TMEM161B: variants seen among roughly 807,000 people sequenced by gnomAD.
TMEM161B encodes the protein transmembrane protein 161B.
TMEM161B carries 34 observed loss-of-function variants against 61.8 expected under a neutral mutation model. The ratio of observed to expected loss-of-function variants is 0.55; its 90% CI spans 0.42 to 0.73. The LOEUF is 0.73. Ranked by LOEUF, TMEM161B falls within the 30% of genes least tolerant of loss-of-function variation. TMEM161B has a pLI of 0.00. For missense variants in TMEM161B, 456 were observed against 558.5 expected (o/e 0.82, Z 1.85); for synonymous variants, 167 against 192.8 (o/e 0.87, Z 1.11).
chr5:88,233,032 G>A (rs1751269212), intron 2 of TMEM161B, among the ~76,000 whole-genome samples: 1 of 152,166 alleles, frequency 6.6e-6, no homozygotes, highest in African/African-American at 2.4e-5. Context: ...ATCTAAGGAT[G>A]CTCGATACTT....
At chr5:88,194,080 G>C (rs1041082894), downstream of TMEM161B, among the ~76,000 whole-genome samples, 3 of 152,124 alleles carry the variant, frequency 2.0e-5, no homozygotes, top group African/African-American at 7.2e-5. Flanking sequence ...TGGACTTCCA[G>C]TGAACCCATC....
chr5:88,253,299 C>T (rs1754574240), intron 1 of TMEM161B, among the ~76,000 whole-genome samples: 1 of 152,128 alleles, frequency 6.6e-6, no homozygotes, highest in Non-Finnish European at 1.5e-5. Context: ...TTAATCACTC[C>T]TCACTGCCAC....
intron 1 of TMEM161B, chr5:88,251,072 G>T (rs929016080): frequency 4.6e-5 from 7 of 152,132 alleles, no homozygotes; most frequent in African/African-American, 1.7e-4. Context: ...AGTCTCAGAG[G>T]CTAAAGCTTT....
At chr5:88,222,231 G>T (rs1196438707) in intron 4 of TMEM161B, among the ~76,000 whole-genome samples, 1 of 152,020 alleles carries the variant, frequency 6.6e-6, no homozygotes, top group Non-Finnish European at 1.5e-5. Flanking sequence ...ACCACACTCG[G>T]GTAATTTTTT....
intron 2 of TMEM161B, among the ~76,000 whole-genome samples, chr5:88,240,441 C>T (rs1752529310): frequency 6.6e-6 from 1 of 151,260 alleles, no homozygotes; most frequent in Admixed American, 6.6e-5. Context: ...GCCCACAGAC[C>T]GAAAAAGAAA....
intron 1 of TMEM161B, among the ~76,000 whole-genome samples, chr5:88,258,917 A>G (rs901890467): frequency 1.3e-5 from 2 of 152,212 alleles, no homozygotes; most frequent in Non-Finnish European, 2.9e-5. Context: ...TACTTATCAC[A>G]AAGATAAAAG....
chr5:88,222,161 C>T lies in TMEM161B; in HGVS notation c.290-1442G>A, dbSNP rs1329642247. Among the ~76,000 whole-genome samples the T allele has an allele frequency of 5.3e-5, 8 of 152,160 alleles. No individual in the cohort carries two copies. The South Asian group carries it at 1.7e-3, about 32-fold the overall frequency. On this transcript the variant is annotated intron_variant, in intron 4 of 11. Coordinates refer to ENST00000296595, the MANE Select transcript of TMEM161B (RefSeq NM_153354.5). Reference sequence around the variant, plus strand: ...ATAGCTCACTGCAGCCTCAGCTTCTCGGGCTCAAACAATCTTCCCACCTCA... The same window carrying T: ...ATAGCTCACTGCAGCCTCAGCTTCTTGGGCTCAAACAATCTTCCCACCTCA...
chr5:88,255,776 CCTTCCAAAGGT>C (rs1490142012), intron 1 of TMEM161B, among the ~76,000 whole-genome samples: 3 of 152,008 alleles, frequency 2.0e-5, no homozygotes, highest in African/African-American at 7.2e-5. Flanking sequence ...AATTTAATGT[CCTTCCAAAGGT>C]CAAAAAGCAT....
downstream of TMEM161B, among the ~76,000 whole-genome samples, chr5:88,192,820 A>C (rs76724448): frequency 4.1e-3 from 630 of 152,324 alleles, 10 homozygotes; most frequent in African/African-American, 0.015. Context: ...AATTCAGAGA[A>C]TGTTGAGACC....
In TMEM161B at chr5:88,240,811, A is replaced by G. The variant is rs750230517; in HGVS notation, c.107+2T>C. ...GTTGAAATCAGCCTATCCTTGCCTT[A>G]CCTGCCATTACAGAGTAGCCATCGA... On this transcript the variant is annotated splice_donor_variant, in intron 2 of 11. Coordinates refer to ENST00000296595, the MANE Select transcript of TMEM161B (RefSeq NM_153354.5). LOFTEE classifies it high-confidence loss of function. The G allele has an allele frequency of 6.2e-7, 1 of 1,605,898 alleles. No homozygotes were observed. Among genetic ancestry groups the G allele is most frequent in the Non-Finnish European group, 8.5e-7 (1 of 1,174,008 alleles).
downstream of TMEM161B, among the ~76,000 whole-genome samples, chr5:88,194,056 A>G (rs1227964830): frequency 6.6e-6 from 1 of 152,148 alleles, no homozygotes; most frequent in Non-Finnish European, 1.5e-5. Flanking sequence ...GGTGTATTGC[A>G]CAATGCTGAG....
chr5:88,232,272 C>T (rs1376488402), intron 2 of TMEM161B, among the ~76,000 whole-genome samples: 3 of 152,130 alleles, frequency 2.0e-5, no homozygotes, highest in Non-Finnish European at 2.9e-5. Context: ...TCAAATTTTT[C>T]GTCCCTGTCT....
chr5:88,238,990 A>G (rs1276461275), intron 2 of TMEM161B, among the ~76,000 whole-genome samples: 1 of 152,042 alleles, frequency 6.6e-6, no homozygotes, highest in African/African-American at 2.4e-5. Flanking sequence ...ATTAATTAAC[A>G]CAAAAGTTAA....
intron 5 of TMEM161B, 30 bp from the exon 6 acceptor site, chr5:88,207,210 C>A: frequency 6.3e-7 from 1 of 1,587,516 alleles, no homozygotes; most frequent in Non-Finnish European, 8.6e-7. Context: ...GGAAAAACCA[C>A]AATAAATTTA....
intron 1 of TMEM161B, among the ~76,000 whole-genome samples, chr5:88,258,289 T>C (rs540752691): frequency 1.8e-4 from 27 of 152,256 alleles, no homozygotes; most frequent in African/African-American, 5.5e-4. Flanking sequence ...TTCGTAAAGA[T>C]TGTGATAAGA....
chr5:88,209,434 T>C (rs983975143), intron 5 of TMEM161B, among the ~76,000 whole-genome samples: 3 of 152,100 alleles, frequency 2.0e-5, no homozygotes, highest in Non-Finnish European at 2.9e-5. Context: ...TACCAAATCA[T>C]CAGAATAAAA....
In TMEM161B at chr5:88,226,786, T is replaced by C. The variant is rs548544221; in HGVS notation, c.192-920A>G. 4.6e-5 allele frequency among the ~76,000 whole-genome samples: 7 copies of C among 152,246 alleles called. No homozygotes were observed. The South Asian group carries it at 1.5e-3, about 32-fold the overall frequency. On this transcript the variant is annotated intron_variant, in intron 3 of 11. Coordinates refer to ENST00000296595, the MANE Select transcript of TMEM161B (RefSeq NM_153354.5). ...TAAGGCATGTTCAACCTATTAAAAA[T>C]TACTGCAGAACAGAATTATTCATTA...
chr5:88,233,546 T>G (rs1170716107), intron 2 of TMEM161B, among the ~76,000 whole-genome samples: 1 of 152,160 alleles, frequency 6.6e-6, no homozygotes, highest in Non-Finnish European at 1.5e-5. Context: ...CTTCAGATTT[T>G]ATGCTAAATA....
intron 5 of TMEM161B, among the ~76,000 whole-genome samples, chr5:88,209,373 A>G (rs1469233550): frequency 6.6e-6 from 1 of 152,224 alleles, no homozygotes; most frequent in Admixed American, 6.5e-5. Flanking sequence ...GACAATTTCC[A>G]ACTTCTTTTC....
Sources: gnomAD v4.1 joint callset for allele counts (sites outside exome capture counted in the v4.1 genomes callset) on GRCh38, gnomAD v4.1.1 for gene constraint, MANE v1.5 for transcripts, NCBI Gene and HGNC (gene_info 2026-07-23, HGNC 2026-07-21) for gene names.